Variants in NELL1 observed in about 807,000 individuals in gnomAD.
The protein encoded by NELL1 is protein kinase C-binding protein NELL1.
A neutral mutation model predicts 107.4 loss-of-function variants in NELL1; 76 were observed. The ratio of observed to expected loss-of-function variants is 0.71; its 90% CI spans 0.59 to 0.86. The LOEUF is 0.86. Among genes scored for constraint, NELL1 ranks in the 40% least tolerant of loss-of-function variants. The pLI is 0.00. For missense variants in NELL1, 1,024 were observed against 1,005.5 expected, an observed-to-expected ratio of 1.02 and a Z score of -0.25; for synonymous variants, 353 against 341.2, an observed-to-expected ratio of 1.03 and a Z score of -0.38.
intron 2 of NELL1, among the ~76,000 whole-genome samples, chr11:20,771,217 T>C (rs889250256): frequency 6.6e-6 from 1 of 152,152 alleles, no homozygotes; most frequent in Non-Finnish European, 1.5e-5. Flanking sequence ...CCTTTCCTAC[T>C]TCTCATTAAT....
chr11:20,680,630 T>C (rs754228822), intron 2 of NELL1, among the ~76,000 whole-genome samples: 1 of 152,084 alleles, frequency 6.6e-6, no homozygotes, highest in Non-Finnish European at 1.5e-5. Context: ...TCCCAGACAA[T>C]TGTGAAATTC....
At chr11:20,693,236 A>T (rs1854518309) in intron 2 of NELL1, among the ~76,000 whole-genome samples, 1 of 152,058 alleles carries the variant, frequency 6.6e-6, no homozygotes, top group Non-Finnish European at 1.5e-5. Context: ...TTGACTCTTT[A>T]TCCAACTTGC....
intron 12 of NELL1, among the ~76,000 whole-genome samples, chr11:21,077,869 AAGAC>A (rs1854177852): frequency 2.0e-5 from 3 of 152,192 alleles, no homozygotes; most frequent in Non-Finnish European, 2.9e-5. Context: ...GAGGGAAAGA[AAGAC>A]AGAAAAGATG....
chr11:21,105,881 C>CCT (rs1226322274), intron 12 of NELL1, among the ~76,000 whole-genome samples: 44 of 20,766 alleles, frequency 2.1e-3, no homozygotes, highest in Non-Finnish European at 2.4e-3. Flanking sequence ...CTTCCTCTCT[C>CCT]CTCTCCTCTC....
chr11:21,118,460 T>C (rs953484659), intron 13 of NELL1, among the ~76,000 whole-genome samples: 2 of 152,064 alleles, frequency 1.3e-5, no homozygotes, highest in African/African-American at 4.8e-5. Flanking sequence ...CTCCAAGATA[T>C]ATTATGTCCC....
intron 16 of NELL1, among the ~76,000 whole-genome samples, chr11:21,559,248 T>G (rs1030193699): frequency 6.6e-6 from 1 of 152,090 alleles, no homozygotes; most frequent in African/African-American, 2.4e-5. Flanking sequence ...CCTCAGACAC[T>G]AAGTATCAGT....
chr11:21,238,705 G>A (rs866306680), intron 14 of NELL1, among the ~76,000 whole-genome samples: 37 of 152,166 alleles, frequency 2.4e-4, no homozygotes, highest in African/African-American at 8.9e-4. Flanking sequence ...GTGGGTGGCA[G>A]AAGACCCAAT....
At chr11:20,709,213 G>A (rs960937022) in intron 2 of NELL1, among the ~76,000 whole-genome samples, 17 of 152,196 alleles carry the variant, frequency 1.1e-4, no homozygotes, top group Admixed American at 2.0e-4. Flanking sequence ...GTTGATTTTT[G>A]TCTAAGGAGA....
intron 16 of NELL1, among the ~76,000 whole-genome samples, chr11:21,546,723 C>T (rs7931092): frequency 0.54 from 82,258 of 151,806 alleles, 22,654 homozygotes; most frequent in Non-Finnish European, 0.59. Flanking sequence ...TTGTAAATTA[C>T]GCAGTTTCAG....
In NELL1 at chr11:21,240,684, C is replaced by T. The variant is rs145083980; in HGVS notation, c.1549+11230C>T. 4.6e-3 allele frequency among the ~76,000 whole-genome samples: 630 copies of T among 137,896 alleles called. 6 individuals are homozygous for T. Among genetic ancestry groups the T allele is most frequent in the African/African-American group, 0.016 (587 of 36,796 alleles). The allele number at this position is 137,896 out of a possible 152,430, so 90.5% of individuals were successfully genotyped here. ...GGCACAAGATACAATATATGGATTG[C>T]GTTCTTTTGGCTTAACAAGGTGCAC... On this transcript the variant is annotated intron_variant, in intron 14 of 19. Transcript: ENST00000357134.
chr11:21,446,530 G>GT (rs1205383663), intron 15 of NELL1, among the ~76,000 whole-genome samples: 1 of 152,136 alleles, frequency 6.6e-6, no homozygotes, highest in Non-Finnish European at 1.5e-5. Flanking sequence ...TATAATCTAA[G>GT]TTTTTTGTCA....
In NELL1 at chr11:20,734,063, T is replaced by C. The variant is rs184402189; in HGVS notation, c.185-49617T>C. On this transcript the variant is annotated intron_variant, in intron 2 of 19. Coordinates refer to ENST00000357134, the MANE Select transcript of NELL1 (RefSeq NM_006157.5). The stretch of plus-strand genomic sequence containing the variant: ...GTTAATATTAGGGCAGAGACCTACC[T>C]GAGGTGATGGAAGAAGCCATTTCCT... Among the ~76,000 whole-genome samples, 133 of 152,282 alleles carry C rather than the reference T, an allele frequency of 8.7e-4. 1 individual carries two copies. The highest frequency in any genetic ancestry group is 2.9e-3 in the African/African-American group (120 of 41,554).
intron 12 of NELL1, among the ~76,000 whole-genome samples, chr11:21,036,879 A>G (rs1167399977): frequency 6.6e-6 from 1 of 152,060 alleles, no homozygotes; most frequent in Non-Finnish European, 1.5e-5. Flanking sequence ...CATGAAAAAC[A>G]TTTATTTTTA....
At chr11:21,429,867 C>A (rs1203979861) in intron 15 of NELL1, among the ~76,000 whole-genome samples, 1 of 152,124 alleles carries the variant, frequency 6.6e-6, no homozygotes, top group Non-Finnish European at 1.5e-5. Flanking sequence ...GACATCAGCT[C>A]TTTAAAGGCA....
chr11:21,361,441 A>G (rs1851074622), intron 14 of NELL1, among the ~76,000 whole-genome samples: 1 of 152,022 alleles, frequency 6.6e-6, no homozygotes, highest in Non-Finnish European at 1.5e-5. Context: ...CTGACATTAG[A>G]TAAACTAATG....
chr11:21,319,457 T>TG (rs1041880329), intron 14 of NELL1, among the ~76,000 whole-genome samples: 1 of 149,292 alleles, frequency 6.7e-6, no homozygotes, highest in Non-Finnish European at 1.5e-5. Context: ...TCCAAAGTGC[T>TG]GGGATTACAG....
At chr11:21,115,904 A>G (rs1480965041) in intron 13 of NELL1, among the ~76,000 whole-genome samples, 3 of 152,006 alleles carry the variant, frequency 2.0e-5, no homozygotes, top group African/African-American at 7.2e-5. Context: ...ATAGGTCACA[A>G]AATAGGTGAG....
intron 12 of NELL1, among the ~76,000 whole-genome samples, chr11:21,004,353 T>G (rs1012965735): frequency 6.6e-6 from 1 of 152,124 alleles, no homozygotes; most frequent in African/African-American, 2.4e-5. Flanking sequence ...TAATAAACAT[T>G]TTTATAATAT....
At chr11:21,269,389 C>T (rs1179612888) in intron 14 of NELL1, among the ~76,000 whole-genome samples, 1 of 151,816 alleles carries the variant, frequency 6.6e-6, no homozygotes, top group Non-Finnish European at 1.5e-5. Flanking sequence ...CACACACACA[C>T]ACAGAGGCAT....
Sources: gnomAD v4.1 joint callset for allele counts (sites outside exome capture counted in the v4.1 genomes callset) on GRCh38, gnomAD v4.1.1 for gene constraint, MANE v1.5 for transcripts, NCBI Gene and HGNC (gene_info 2026-07-23, HGNC 2026-07-21) for gene names.